The following WARS1 variants were observed in gnomAD, a reference collection of about 807,000 sequenced individuals.
The protein encoded by WARS1 is tryptophanyl-tRNA synthetase 1.
WARS1 carries 17 observed loss-of-function variants against 47.8 expected under a neutral mutation model. That is an observed-to-expected ratio of 0.36 (90% CI 0.24 to 0.53). WARS1 has a LOEUF of 0.53. Among genes scored for constraint, WARS1 ranks in the 20% least tolerant of loss-of-function variants. WARS1 has a pLI of 0.91. For synonymous variants in WARS1, 208 were observed against 228.1 expected, an observed-to-expected ratio of 0.91 and a Z score of 0.79; for missense variants, 434 against 608.0, an observed-to-expected ratio of 0.71 and a Z score of 3.01.
At chr14:100,342,195 A>T in intron 9 of WARS1, 1 of 694,870 alleles carries the variant, frequency 1.4e-6, no homozygotes, top group Non-Finnish European at 2.5e-6. Context: ...AAAGGACACA[A>T]AACAAATTCA....
chr14:100,343,260 T>C lies in WARS1; in HGVS notation c.939+15A>G. On this transcript the variant is annotated intron_variant, in intron 8 of 10. Coordinates refer to ENST00000392882, the MANE Select transcript of WARS1 (RefSeq NM_004184.4). The stretch of plus-strand genomic sequence containing the variant: ...TGCCCCAGACTTAGAGAGCCTTGCT[T>C]TTCTGCCTGCTGACCTGGTCAATGG... 6.3e-7 allele frequency: 1 copy of C among 1,598,212 alleles called. No homozygotes were observed. Among genetic ancestry groups the C allele is most frequent in the South Asian group, 1.1e-5 (1 of 89,196 alleles).
chr14:100,354,302 A>G, intron 5 of WARS1, 145 bp downstream of exon 5: 1 of 1,250,422 alleles, frequency 8.0e-7, no homozygotes, highest in Admixed American at 2.5e-5. Context: ...AACAAAGTGA[A>G]TGGAAGCCAA....
intron 1 of WARS1, among the ~76,000 whole-genome samples, chr14:100,372,643 A>G (rs1896419666): frequency 6.6e-6 from 1 of 152,250 alleles, no homozygotes; most frequent in Non-Finnish European, 1.5e-5. Context: ...CATATCAAAT[A>G]ACGATCAAAC....
intron 4 of WARS1, among the ~76,000 whole-genome samples, chr14:100,358,770 A>T (rs1388192887): frequency 6.6e-6 from 1 of 152,258 alleles, no homozygotes; most frequent in Non-Finnish European, 1.5e-5. Context: ...ATTTGCAAGT[A>T]ATATTTGAAT....
chr14:100,359,992 G>C (rs933808655), intron 4 of WARS1, among the ~76,000 whole-genome samples: 1 of 152,164 alleles, frequency 6.6e-6, no homozygotes, highest in East Asian at 1.9e-4. Context: ...GCTTCAAAAA[G>C]GGGGCTGCCT....
intron 6 of WARS1, among the ~76,000 whole-genome samples, chr14:100,349,196 G>C (rs1276270743): frequency 2.6e-5 from 4 of 152,212 alleles, no homozygotes; most frequent in African/African-American, 7.2e-5. Flanking sequence ...GGCGTGGCTT[G>C]AAGCACTTTA....
chr14:100,350,509 G>A lies in WARS1; in HGVS notation c.725+3178C>T, dbSNP rs565512487. On this transcript the variant is annotated intron_variant, in intron 6 of 10. Transcript: ENST00000392882. The stretch of plus-strand genomic sequence containing the variant: ...ACGAGGAATGGCGGCCTCACTCCAC[G>A]TTCAGAGAGCGCTGAAAGTGGGGTT... Among the ~76,000 whole-genome samples, 16 of 151,880 alleles carry A rather than the reference G, an allele frequency of 1.1e-4. No homozygotes were observed. The South Asian group carries it at 3.3e-3, about 32-fold the overall frequency.
intron 2 of WARS1, chr14:100,365,445 TGGC>T: frequency 4.1e-6 from 1 of 245,516 alleles, no homozygotes; most frequent in Non-Finnish European, 8.3e-6. Flanking sequence ...CCGGGTGTGG[TGGC>T]GGGCGCCTGC....
chr14:100,367,034 C>A (rs940974039), intron 2 of WARS1: 1 of 788,756 alleles, frequency 1.3e-6, no homozygotes, highest in Non-Finnish European at 2.0e-6. Flanking sequence ...AGATTTAATA[C>A]AGTAAAATAA....
At chr14:100,376,283 G>C, upstream of WARS1, 1 of 875,150 alleles carries the variant, frequency 1.1e-6, no homozygotes, top group Non-Finnish European at 1.5e-6. Flanking sequence ...GCCAGTCAGC[G>C]CTCCCGGCTC....
intron 6 of WARS1, among the ~76,000 whole-genome samples, chr14:100,348,899 G>A (rs955468402): frequency 1.5e-4 from 23 of 152,338 alleles, no homozygotes; most frequent in African/African-American, 5.1e-4. Flanking sequence ...CCACTGTGCT[G>A]GCTGCAGGGT....
chr14:100,335,278 A>G (rs1185038481), intron 10 of WARS1, among the ~76,000 whole-genome samples: 4 of 152,212 alleles, frequency 2.6e-5, no homozygotes, highest in Non-Finnish European at 5.9e-5. Context: ...TGAAAGGGCC[A>G]ATGGGGAGGG....
chr14:100,375,210 CT>C (rs1329641453), intron 1 of WARS1, 72 bp downstream of exon 1: 1 of 152,194 alleles, frequency 6.6e-6, no homozygotes, highest in Non-Finnish European at 1.5e-5. Context: ...TCCTGACCCC[CT>C]AAACCAAGGT....
chr14:100,343,721 C>T (rs1047144972), intron 7 of WARS1, among the ~76,000 whole-genome samples: 7 of 152,068 alleles, frequency 4.6e-5, no homozygotes, highest in Non-Finnish European at 1.0e-4. Context: ...ACCGCTACCT[C>T]TGCCTCCTGG....
In WARS1 at chr14:100,346,749, T is replaced by C; in HGVS notation, c.823A>G (p.Ile275Val). The C allele has an allele frequency of 6.2e-7, 1 of 1,613,816 alleles. No homozygotes were observed. Among genetic ancestry groups the C allele is most frequent in the Non-Finnish European group, 8.5e-7 (1 of 1,179,678 alleles). The change falls in exon 7 of 11, where the codon ATT becomes GTT. Residue 275 changes from isoleucine (I) to valine (V), a missense_variant. Around this residue, in one of 2 missense-constraint regions of WARS1, gnomAD observed 347 missense variants for 523.8 expected, o/e 0.66. Coordinates refer to ENST00000392882, the MANE Select transcript of WARS1 (RefSeq NM_004184.4). ...GIFGFTDSDC[I>V]GKISFPAIQA... is the part of the protein sequence containing the mutation. ...ACAGCAGCAGTGGGCCTCTTACCAA[T>C]GCAGTCGCTGTCAGTGAAGCCGAAA...
chr14:100,365,124 TACACACAC>T (rs59205319), intron 2 of WARS1, among the ~76,000 whole-genome samples: 38 of 137,844 alleles, frequency 2.8e-4, no homozygotes, highest in South Asian at 1.7e-3. Context: ...TCTCAAAAAA[TACACACAC>T]ACACACACAC....
chr14:100,352,162 A>G (rs575725187), intron 6 of WARS1, among the ~76,000 whole-genome samples: 2 of 119,626 alleles, frequency 1.7e-5, no homozygotes, highest in African/African-American at 6.3e-5. Context: ...CCCAGGCTGG[A>G]ATGCAGTGGC....
intron 1 of WARS1, among the ~76,000 whole-genome samples, chr14:100,374,439 A>G (rs1172502280): frequency 6.6e-6 from 1 of 152,260 alleles, no homozygotes; most frequent in Admixed American, 6.5e-5. Context: ...CCTTTTCAAG[A>G]ACTTGAATCT....
At chr14:100,375,001 G>A (rs919843297) in intron 1 of WARS1, 1 of 152,164 alleles carries the variant, frequency 6.6e-6, no homozygotes, top group East Asian at 1.9e-4. Context: ...ATGACAATAC[G>A]TTCTGATGTT....
Sources: allele counts gnomAD v4.1 joint callset (sites outside exome capture counted in the v4.1 genomes callset), GRCh38; gene constraint gnomAD v4.1.1; regional missense constraint gnomAD v4.1.1; transcripts MANE v1.5; gene names NCBI Gene and HGNC (gene_info 2026-07-23, HGNC 2026-07-21).